Variants in SGIP1 observed in about 807,000 individuals in gnomAD.
SGIP1 encodes SH3GL interacting endocytic adaptor 1, also known as SH3-containing GRB2-like protein 3-interacting protein 1.
Under a neutral mutation model 107.5 loss-of-function variants are expected in SGIP1, and 38 were observed. The observed-to-expected ratio is 0.35, with a 90% CI of 0.27 to 0.46. The LOEUF (loss-of-function observed/expected upper bound fraction) is 0.46, where lower values mean the gene tolerates loss of function less well. Among genes scored for constraint, SGIP1 ranks in the 20% least tolerant of loss-of-function variants. The pLI is 1.00. For synonymous variants in SGIP1, 365 were observed against 366.1 expected, an observed-to-expected ratio of 1.00 and a Z score of 0.03; for missense variants, 929 against 1,019.5, an observed-to-expected ratio of 0.91 and a Z score of 1.21.
intron 8 of SGIP1, among the ~76,000 whole-genome samples, chr1:66,665,430 A>G (rs1288443662): frequency 1.3e-5 from 2 of 152,220 alleles, no homozygotes; most frequent in African/African-American, 4.8e-5. Flanking sequence ...CACAATAAAC[A>G]TACGTGTGCA....
chr1:66,680,113 C>T (rs2086344715), intron 14 of SGIP1, among the ~76,000 whole-genome samples: 1 of 152,152 alleles, frequency 6.6e-6, no homozygotes, highest in Non-Finnish European at 1.5e-5. Context: ...TCTCAAAGCA[C>T]AGTTGGTATT....
At chr1:66,562,083 G>A (rs1019162218) in intron 1 of SGIP1, among the ~76,000 whole-genome samples, 2 of 151,496 alleles carry the variant, frequency 1.3e-5, no homozygotes, top group African/African-American at 4.8e-5. Flanking sequence ...AGGTGTGGGA[G>A]TTTCTTTTAG....
intron 1 of SGIP1, among the ~76,000 whole-genome samples, chr1:66,551,812 G>T (rs929132121): frequency 3.9e-5 from 6 of 152,116 alleles, no homozygotes; most frequent in Non-Finnish European, 7.4e-5. Flanking sequence ...CATATATAAG[G>T]CACCTGCCTC....
At chr1:66,681,067 T>C (rs2086592052) in intron 14 of SGIP1, among the ~76,000 whole-genome samples, 1 of 152,244 alleles carries the variant, frequency 6.6e-6, no homozygotes, top group Non-Finnish European at 1.5e-5. Context: ...GTTATGCTTA[T>C]GAGGTTGACA....
intron 8 of SGIP1, chr1:66,666,219 T>G (rs1239159303): frequency 1.3e-5 from 2 of 152,634 alleles, no homozygotes; most frequent in African/African-American, 4.8e-5. Flanking sequence ...CACTATTTAT[T>G]AAATAGGGAA....
In SGIP1 at chr1:66,642,405, G is replaced by A. The variant is rs116554948; in HGVS notation, c.229-405G>A. On this transcript the variant is annotated intron_variant, in intron 5 of 24. Transcript: ENST00000371037. ...TAAACCTCACTAATTTCCTTTTCTT[G>A]GAACCCTGTCTAACACAGGTGTTTT... is the stretch of plus-strand genomic sequence containing the variant. Among the ~76,000 whole-genome samples, 527 of 152,100 alleles carry A rather than the reference G, an allele frequency of 3.5e-3. 2 individuals are homozygous for A. The highest frequency in any genetic ancestry group is 6.2e-3 in the Non-Finnish European group (423 of 67,990).
intron 1 of SGIP1, among the ~76,000 whole-genome samples, chr1:66,623,448 A>G (rs928895990): frequency 6.6e-6 from 1 of 152,038 alleles, no homozygotes; most frequent in Non-Finnish European, 1.5e-5. Flanking sequence ...ACGGGGTTTC[A>G]CCATGTTGGC....
At chr1:66,620,381 A>G (rs1272228601) in intron 1 of SGIP1, among the ~76,000 whole-genome samples, 1 of 152,186 alleles carries the variant, frequency 6.6e-6, no homozygotes, top group Non-Finnish European at 1.5e-5. Flanking sequence ...CCGTTCTGAC[A>G]CTGTTATAAA....
At chr1:66,728,464 T>C (rs144210006) in intron 19 of SGIP1, among the ~76,000 whole-genome samples, 210 of 152,286 alleles carry the variant, frequency 1.4e-3, no homozygotes, top group African/African-American at 4.7e-3. Flanking sequence ...GTGCTGACCA[T>C]TGAGTTCTCA....
In SGIP1 at chr1:66,686,866, AATC is replaced by A. The variant is rs1186181195; in HGVS notation, c.1316-2274_1316-2272del. On this transcript the variant is annotated intron_variant, in intron 15 of 24. Transcript: ENST00000371037. ...TATTTGTATCAAAAAACACAATCTT[AATC>A]ATCATCACGGGTATCTACTACTTTC... Among the ~76,000 whole-genome samples, 32 of 152,344 alleles carry A rather than the reference AATC, an allele frequency of 2.1e-4. 1 individual carries two copies. Among genetic ancestry groups the A allele is most frequent in the African/African-American group, 6.7e-4 (28 of 41,574 alleles).
intron 18 of SGIP1, among the ~76,000 whole-genome samples, chr1:66,711,894 A>G (rs2092945326): frequency 6.6e-6 from 1 of 152,128 alleles, no homozygotes; most frequent in African/African-American, 2.4e-5. Context: ...CCTTCCTTGG[A>G]TAAGATTGAG....
intron 1 of SGIP1, among the ~76,000 whole-genome samples, chr1:66,597,491 G>A (rs12037314): frequency 0.13 from 20,041 of 152,278 alleles, 1,988 homozygotes; most frequent in East Asian, 0.46. Flanking sequence ...GAGGTAGGGG[G>A]AGTATTCTGC....
rs148583197 is a variant in SGIP1 at position 66,683,741 on chromosome 1, C to T, written c.1315+1372C>T. ...TTTTTTTTTTTTTGACAAGGTCTTG[C>T]TCTGATGCCCAGGCTGGAGTGCAGT... is the stretch of plus-strand genomic sequence containing the variant. On this transcript the variant is annotated intron_variant, in intron 15 of 24. Coordinates refer to ENST00000371037, the MANE Select transcript of SGIP1 (RefSeq NM_032291.4). Among the ~76,000 whole-genome samples the T allele has an allele frequency of 4.4e-3, 325 of 73,712 alleles. 3 individuals carry two copies. The highest frequency in any genetic ancestry group is 0.014 in the African/African-American group (304 of 21,770). 48.4% of individuals were successfully genotyped at this position (73,712 alleles called of 152,430 possible). A position where few individuals can be genotyped will look rare whatever the true frequency, so the allele number is the denominator to read the frequency against.
rs369059429 is a variant in SGIP1, at chr1:66,633,037, A to G, written c.75-33A>G. ...GTCTATGTGGCAAGAATGATTCCTT[A>G]TCATAATAGCTATCAATTTCTTTTT... On this transcript the variant is annotated intron_variant, in intron 2 of 24. Coordinates refer to ENST00000371037, the MANE Select transcript of SGIP1 (RefSeq NM_032291.4). The G allele has an allele frequency of 7.1e-6, 10 of 1,402,190 alleles. No individual in the cohort carries two copies. The African/African-American group carries it at 9.9e-5, about 14-fold the overall frequency. 86.9% of individuals were successfully genotyped at this position (1,402,190 alleles called of 1,614,324 possible).
chr1:66,559,110 C>A (rs1383163942), intron 1 of SGIP1, among the ~76,000 whole-genome samples: 3 of 152,094 alleles, frequency 2.0e-5, no homozygotes, highest in Admixed American at 1.3e-4. Flanking sequence ...TTCCAGGGCT[C>A]AAGCATCCTT....
rs20353 is a variant in SGIP1, at chr1:66,605,700, G to T, written c.11-20147G>T. ...ATTTTTGTCATGACCGTTCATCAAG[G>T]TTTTTATTTTTGATCCAGAAGGACA... On this transcript the variant is annotated intron_variant, in intron 1 of 24. Transcript: ENST00000371037. Among the ~76,000 whole-genome samples the T allele has an allele frequency of 5.9e-3, 897 of 152,026 alleles. 10 individuals are homozygous for T. The highest frequency in any genetic ancestry group is 0.021 in the African/African-American group (861 of 41,442).
chr1:66,716,818 A>T (rs2093272613), intron 18 of SGIP1, among the ~76,000 whole-genome samples: 1 of 152,160 alleles, frequency 6.6e-6, no homozygotes. Context: ...ATTTTCCTAA[A>T]TATTTATATA....
At chr1:66,683,695 C>CTTTTATTTTTTTT (rs2087369004) in intron 15 of SGIP1, among the ~76,000 whole-genome samples, 1 of 53,824 alleles carries the variant, frequency 1.9e-5, no homozygotes, top group South Asian at 9.8e-4. Context: ...TTGTTTGTTT[C>CTTTTATTTTTTTT]TTTTCTTTTT....
chr1:66,581,471 A>G lies in SGIP1; in HGVS notation c.11-44376A>G, dbSNP rs79317034. On this transcript the variant is annotated intron_variant, in intron 1 of 24. Transcript: ENST00000371037. ...GCTATTGTTACTGTTATTATAAAAT[A>G]TAGTTTTTATTACATTTAATTGTAT... Among the ~76,000 whole-genome samples the G allele has an allele frequency of 6.2e-4, 95 of 152,176 alleles. 9 individuals are homozygous for G. The East Asian group carries it at 0.018, about 29-fold the overall frequency.
Sources: allele counts gnomAD v4.1 joint callset (sites outside exome capture counted in the v4.1 genomes callset), GRCh38; gene constraint gnomAD v4.1.1; transcripts MANE v1.5; gene names NCBI Gene and HGNC (gene_info 2026-07-23, HGNC 2026-07-21).